R3HDM2: variants seen among roughly 807,000 people sequenced by gnomAD.
R3HDM2 encodes R3H domain-containing protein 2.
Under a neutral mutation model 124.5 loss-of-function variants are expected in R3HDM2, and 38 were observed. The ratio of observed to expected loss-of-function variants is 0.31; its 90% CI spans 0.24 to 0.40. The LOEUF is 0.40. Ranked by LOEUF, R3HDM2 falls within the 10% of genes least tolerant of loss-of-function variation. R3HDM2 has a pLI of 1.00. For synonymous variants in R3HDM2, 391 were observed against 448.0 expected (o/e 0.87, Z 1.61); for missense variants, 869 against 1,236.9 (o/e 0.70, Z 4.46).
chr12:57,253,928 TCAAA>T lies in R3HDM2; in HGVS notation c.*841_*844del, dbSNP rs1446235915. ...TGTGTCTGTTACTGCGGCACGAACC[TCAAA>T]CAAACAATATACAAGTGTTCTGGGG... On this transcript the variant is annotated 3_prime_UTR_variant, in exon 24 of 24. Coordinates refer to ENST00000402412, the MANE Select transcript of R3HDM2 (RefSeq NM_001394031.1). 16 of 293,646 alleles carry T rather than the reference TCAAA, an allele frequency of 5.4e-5. No homozygotes were observed. Among genetic ancestry groups the T allele is most frequent in the East Asian group, 1.4e-4 (1 of 7,404 alleles). The allele number at this position is 293,646 out of a possible 1,614,324, so 18.2% of individuals were successfully genotyped here.
intron 10 of R3HDM2, among the ~76,000 whole-genome samples, chr12:57,294,625 AACCAC>A (rs1413798921): frequency 3.3e-5 from 5 of 152,144 alleles, no homozygotes; most frequent in African/African-American, 1.2e-4. Context: ...GGCTCTACTC[AACCAC>A]GCTCTTCAAA....
chr12:57,411,348 A>G (rs1241058238), intron 1 of R3HDM2, among the ~76,000 whole-genome samples: 2 of 152,074 alleles, frequency 1.3e-5, no homozygotes, highest in Non-Finnish European at 2.9e-5. Context: ...TAATTTCTGT[A>G]TTCTCAGTAG....
At chr12:57,327,723 G>T (rs994421397) in intron 2 of R3HDM2, among the ~76,000 whole-genome samples, 2 of 152,122 alleles carry the variant, frequency 1.3e-5, no homozygotes, top group Non-Finnish European at 1.5e-5. Context: ...AGATGGGGTG[G>T]AAATAGCCAG....
intron 7 of R3HDM2, 54 bp from the exon 8 acceptor site, chr12:57,297,441 T>C (rs1027150638): frequency 1.2e-5 from 14 of 1,162,474 alleles, no homozygotes; most frequent in Admixed American, 2.4e-5. Context: ...AGCCCTCCCA[T>C]AGACATTGAA....
chr12:57,312,096 C>T (rs2054038114), intron 2 of R3HDM2, among the ~76,000 whole-genome samples: 1 of 152,210 alleles, frequency 6.6e-6, no homozygotes, highest in South Asian at 2.1e-4. Context: ...TCCCAGATGT[C>T]ACATCTATTC....
At chr12:57,281,007 G>A (rs1241305578) in intron 13 of R3HDM2, among the ~76,000 whole-genome samples, 1 of 152,150 alleles carries the variant, frequency 6.6e-6, no homozygotes, top group Non-Finnish European at 1.5e-5. Context: ...TGAGGGCCGG[G>A]CGCAGTGGCT....
intron 1 of R3HDM2, among the ~76,000 whole-genome samples, chr12:57,404,985 G>T (rs757363249): frequency 6.6e-6 from 1 of 151,948 alleles, no homozygotes; most frequent in Non-Finnish European, 1.5e-5. Context: ...ATGATTCTGG[G>T]GTAGGGTCAG....
intron 2 of R3HDM2, among the ~76,000 whole-genome samples, chr12:57,330,078 T>TG (rs2057922180): frequency 6.6e-6 from 1 of 152,112 alleles, no homozygotes; most frequent in Non-Finnish European, 1.5e-5. Flanking sequence ...GTGATTCTCC[T>TG]GTTTCAGCCT....
chr12:57,288,738 C>A, intron 12 of R3HDM2: 2 of 891,038 alleles, frequency 2.2e-6, no homozygotes, highest in Non-Finnish European at 3.4e-6. Flanking sequence ...GCAAAAACCA[C>A]AAATTTAATT....
At chr12:57,388,316 AC>A (rs1437612618) in intron 2 of R3HDM2, among the ~76,000 whole-genome samples, 3 of 152,368 alleles carry the variant, frequency 2.0e-5, no homozygotes, top group African/African-American at 7.2e-5. Context: ...TTGAGTGGCA[AC>A]TATCTGGGGC....
chr12:57,310,517 T>TA, intron 2 of R3HDM2, 54 bp from the exon 3 acceptor site: 1 of 963,042 alleles, frequency 1.0e-6, no homozygotes, highest in Non-Finnish European at 1.4e-6. Context: ...ACTTAACAAA[T>TA]ACACAAGACT....
intron 12 of R3HDM2, among the ~76,000 whole-genome samples, chr12:57,288,642 T>C (rs1486334935): frequency 6.6e-6 from 1 of 152,000 alleles, no homozygotes; most frequent in East Asian, 1.9e-4. Flanking sequence ...ACCACCTGTT[T>C]AGGACTCGAA....
intron 2 of R3HDM2, among the ~76,000 whole-genome samples, chr12:57,326,657 G>A (rs1485466777): frequency 1.3e-5 from 2 of 152,188 alleles, no homozygotes; most frequent in Non-Finnish European, 2.9e-5. Context: ...ATTGATAAAG[G>A]TGGCTACATT....
At chr12:57,366,795 T>C (rs978853295) in intron 2 of R3HDM2, among the ~76,000 whole-genome samples, 5 of 152,154 alleles carry the variant, frequency 3.3e-5, no homozygotes, top group African/African-American at 1.2e-4. Context: ...GTTCACGCCA[T>C]TCTGCTGCCT....
In R3HDM2 at chr12:57,427,082, G is replaced by C. The variant is rs546046997; in HGVS notation, c.-106+3638C>G. Reference sequence around the variant, plus strand: ...CCGAGGCAGGAGGATCACCAGGTCAGGAGTTCAAGACCAGCCTGACCAACA... The same window carrying C: ...CCGAGGCAGGAGGATCACCAGGTCACGAGTTCAAGACCAGCCTGACCAACA... On this transcript the variant is annotated intron_variant, in intron 1 of 23. Coordinates refer to ENST00000402412, the MANE Select transcript of R3HDM2 (RefSeq NM_001394031.1). Among the ~76,000 whole-genome samples the C allele has an allele frequency of 5.9e-5, 9 of 152,214 alleles. No individual in the cohort carries two copies. The East Asian group carries it at 1.8e-3, about 30-fold the overall frequency.
chr12:57,296,027 G>A lies in R3HDM2; in HGVS notation c.701+384C>T, dbSNP rs1037994092. Among the ~76,000 whole-genome samples, 9 of 152,042 alleles carry A rather than the reference G, an allele frequency of 5.9e-5. No individual in the cohort carries two copies. The highest frequency in any genetic ancestry group is 1.9e-4 in the African/African-American group (8 of 41,390). ...TGGGATTACAGGCGCCTGCCACCGC[G>A]CCCGGCTAATTTTTGTATTTTTAGT... On this transcript the variant is annotated intron_variant, in intron 9 of 23. Coordinates refer to ENST00000402412, the MANE Select transcript of R3HDM2 (RefSeq NM_001394031.1). This position sits in a 1 kb window ranked among gnomAD's most constrained non-coding sequence, Gnocchi z 4.5.
intron 2 of R3HDM2, among the ~76,000 whole-genome samples, chr12:57,348,693 CA>C (rs1168127324): frequency 2.8e-4 from 7 of 25,150 alleles, no homozygotes; most frequent in African/African-American, 1.2e-3. Flanking sequence ...GACTCCGTCT[CA>C]AAAAAAAAAA....
chr12:57,391,101 A>AAT (rs921141107), intron 2 of R3HDM2, among the ~76,000 whole-genome samples: 9 of 152,174 alleles, frequency 5.9e-5, no homozygotes, highest in Admixed American at 5.9e-4. Context: ...ATCACAGACA[A>AAT]ATAAAAACTA....
At chr12:57,275,888 A>G (rs2137675988) in intron 14 of R3HDM2, among the ~76,000 whole-genome samples, 1 of 152,340 alleles carries the variant, frequency 6.6e-6, no homozygotes, top group African/African-American at 2.4e-5. Flanking sequence ...AAAGTAGTAC[A>G]GCCACTATGG....
Sources: allele counts gnomAD v4.1 joint callset (sites outside exome capture counted in the v4.1 genomes callset), GRCh38; gene constraint gnomAD v4.1.1; non-coding constraint Gnocchi (gnomAD v3.1); transcripts MANE v1.5; gene names NCBI Gene and HGNC (gene_info 2026-07-23, HGNC 2026-07-21).